ST6GAL1: variants seen among roughly 807,000 people sequenced by gnomAD.
The protein encoded by ST6GAL1 is ST6 beta-galactoside alpha-2,6-sialyltransferase 1, also known as beta-galactoside alpha-2,6-sialyltransferase 1.
ST6GAL1 carries 20 observed loss-of-function variants against 38.0 expected under a neutral mutation model. The ratio of observed to expected loss-of-function variants is 0.53; its 90% CI spans 0.37 to 0.77. The LOEUF (loss-of-function observed/expected upper bound fraction) is 0.77. ST6GAL1 is among the 30% of genes least tolerant of loss of function. ST6GAL1 has a pLI of 0.00. For missense variants in ST6GAL1, 432 were observed against 496.4 expected, an observed-to-expected ratio of 0.87 and a Z score of 1.23; for synonymous variants, 196 against 188.2, an observed-to-expected ratio of 1.04 and a Z score of -0.34.
intron 1 of ST6GAL1, among the ~76,000 whole-genome samples, chr3:186,934,367 G>A (rs562112333): frequency 6.6e-6 from 1 of 152,190 alleles, no homozygotes; most frequent in South Asian, 2.1e-4. Flanking sequence ...AACATAGTGA[G>A]ACTACCTCCC....
rs372532525 is a variant in ST6GAL1 at position 187,042,774 on chromosome 3, G to C, written c.71G>C (p.Cys24Ser). 5.0e-6 allele frequency: 8 copies of C among 1,614,054 alleles called. No homozygotes were observed. Among genetic ancestry groups the C allele is most frequent in the Non-Finnish European group, 5.9e-6 (7 of 1,180,028 alleles). ...GTCTTTCTTCTGTTTGCAGTCATCT[G>C]TGTGTGGAAGGAAAAGAAGAAAGGG... ...VLVFLLFAVI[C>S]VWKEKKKGSY... The change falls in exon 4 of 8, where the codon TGT becomes TCT. Residue 24 changes from cysteine (C) to serine (S), a missense_variant. Coordinates refer to ENST00000169298, the MANE Select transcript of ST6GAL1 (RefSeq NM_173216.2).
At chr3:186,986,755 A>C (rs1715936987) in intron 2 of ST6GAL1, 2 of 152,200 alleles carry the variant, frequency 1.3e-5, no homozygotes. Flanking sequence ...AGAGTTGGCC[A>C]AATGAGGCGG....
At position 186,967,123 on chromosome 3, in the gene ST6GAL1, T is replaced by C. The variant is rs1579278859; in HGVS notation, c.-183+3197T>C. Among the ~76,000 whole-genome samples, 3 of 152,330 alleles carry C rather than the reference T, an allele frequency of 2.0e-5. No individual in the cohort carries two copies. The Middle Eastern group carries it at 0.01, about 518-fold the overall frequency. On this transcript the variant is annotated intron_variant, in intron 2 of 7. Transcript: ENST00000169298. ...TGTCCAGCCTTTCCTTCAAGAACTCTAAAGGAGAAATTATGTCTCAAGTAG... is the reference window on the plus strand; with the variant it reads ...TGTCCAGCCTTTCCTTCAAGAACTCCAAAGGAGAAATTATGTCTCAAGTAG...
chr3:186,977,019 C>G (rs946172147), intron 2 of ST6GAL1, among the ~76,000 whole-genome samples: 1 of 152,108 alleles, frequency 6.6e-6, no homozygotes, highest in Non-Finnish European at 1.5e-5. Flanking sequence ...TCGGCTTGTT[C>G]TTTATAAAGT....
intron 2 of ST6GAL1, among the ~76,000 whole-genome samples, chr3:187,022,443 G>A (rs1211302769): frequency 6.6e-6 from 1 of 152,162 alleles, no homozygotes; most frequent in Admixed American, 6.5e-5. Context: ...GTAGCTGAGA[G>A]AGTCAAGTTA....
chr3:186,946,977 C>T lies in ST6GAL1; in HGVS notation c.-325+16143C>T, dbSNP rs115557231. 8.6e-3 allele frequency among the ~76,000 whole-genome samples: 1,308 copies of T among 152,130 alleles called. 23 individuals are homozygous for T. The highest frequency in any genetic ancestry group is 0.036 in the East Asian group (186 of 5,176). ...ATGGAAAAGGTTTCACCCAGGAGACCGATGGAGTTTTGATAGGTGGAGAAT... is the reference window on the plus strand; with the variant it reads ...ATGGAAAAGGTTTCACCCAGGAGACTGATGGAGTTTTGATAGGTGGAGAAT... On this transcript the variant is annotated intron_variant, in intron 1 of 7. Coordinates refer to ENST00000169298, the MANE Select transcript of ST6GAL1 (RefSeq NM_173216.2).
At position 186,955,276 on chromosome 3, in the gene ST6GAL1, C is replaced by G. The variant is rs541346243; in HGVS notation, c.-324-8509C>G. ...AACTCAGGTGGCTGGATGCCTCCAG[C>G]TTTGTTCTTTTTGCTTAGGATTGTC... On this transcript the variant is annotated intron_variant, in intron 1 of 7. Coordinates refer to ENST00000169298, the MANE Select transcript of ST6GAL1 (RefSeq NM_173216.2). Among the ~76,000 whole-genome samples, 11 of 152,226 alleles carry G rather than the reference C, an allele frequency of 7.2e-5. No homozygotes were observed. The East Asian group carries it at 7.7e-4, about 11-fold the overall frequency.
rs76543093 is a variant in ST6GAL1 at position 186,980,925 on chromosome 3, G to A, written c.-183+16999G>A. On this transcript the variant is annotated intron_variant, in intron 2 of 7. Transcript: ENST00000169298. ...AAGCAATCAGTGCCATCACGTGTTG[G>A]GTGTGATGGCTGAGCTGTTCTTCAG... Among the ~76,000 whole-genome samples the A allele has an allele frequency of 2.5e-4, 38 of 152,230 alleles. 1 individual carries two copies. In the East Asian group the frequency reaches 7.1e-3, roughly 29 times the overall value.
intron 2 of ST6GAL1, among the ~76,000 whole-genome samples, chr3:186,972,497 GC>G (rs1204533249): frequency 1.3e-5 from 2 of 151,830 alleles, no homozygotes; most frequent in Admixed American, 1.3e-4. Context: ...TGATCTGCCC[GC>G]CCCGGCCTCC....
chr3:186,969,888 C>G (rs1208559903), intron 2 of ST6GAL1, among the ~76,000 whole-genome samples: 1 of 152,178 alleles, frequency 6.6e-6, no homozygotes, highest in African/African-American at 2.4e-5. Context: ...AATAATTTGA[C>G]CTGGTTGGAA....
intron 5 of ST6GAL1, among the ~76,000 whole-genome samples, chr3:187,064,027 T>A (rs1297393177): frequency 6.6e-6 from 1 of 152,154 alleles, no homozygotes; most frequent in East Asian, 1.9e-4. Context: ...AATGTCTGCC[T>A]CTGCCTGTTT....
Position 186,989,231 on chromosome 3 carries a change from G to C in ST6GAL1, c.-183+25305G>C, listed in dbSNP as rs550476953. Among the ~76,000 whole-genome samples the C allele has an allele frequency of 2.0e-5, 3 of 152,256 alleles. No individual in the cohort carries two copies. The South Asian group carries it at 6.2e-4, about 32-fold the overall frequency. On this transcript the variant is annotated intron_variant, in intron 2 of 7. Transcript: ENST00000169298. ...ATGATTCAAAGACTGAGACTATTTA[G>C]CTTGAAAAAGAGAAGGTTTAGAAGA... is the stretch of plus-strand genomic sequence containing the variant.
chr3:187,032,137 A>G (rs896907020), intron 2 of ST6GAL1, among the ~76,000 whole-genome samples: 6 of 152,192 alleles, frequency 3.9e-5, no homozygotes, highest in African/African-American at 1.4e-4. Context: ...ATAAATCTAG[A>G]TAGTTGCACC....
In ST6GAL1 at chr3:187,069,806, C is replaced by G. The variant is rs115466898; in HGVS notation, c.706-3043C>G. Among the ~76,000 whole-genome samples, 456 of 152,306 alleles carry G rather than the reference C, an allele frequency of 3.0e-3. 1 individual carries two copies. Among genetic ancestry groups the G allele is most frequent in the African/African-American group, 9.8e-3 (406 of 41,570 alleles). ...TACTGAACTACTTGCAATTCCCAAACAGGGTACACACTGTACTAGTTGTTC... is the reference window on the plus strand; with the variant it reads ...TACTGAACTACTTGCAATTCCCAAAGAGGGTACACACTGTACTAGTTGTTC... On this transcript the variant is annotated intron_variant, in intron 5 of 7. Coordinates refer to ENST00000169298, the MANE Select transcript of ST6GAL1 (RefSeq NM_173216.2).
At chr3:186,931,592 C>A (rs1318692240) in intron 1 of ST6GAL1, among the ~76,000 whole-genome samples, 1 of 152,102 alleles carries the variant, frequency 6.6e-6, no homozygotes, top group Non-Finnish European at 1.5e-5. Context: ...TAAGGGTGCC[C>A]CTCAAAAAAA....
Position 186,934,737 on chromosome 3 carries a change from T to C in ST6GAL1, c.-325+3903T>C, listed in dbSNP as rs1025910327. Reference sequence around the variant, plus strand: ...TGGCAGGCTTGAGTGCTTACCAGCTTTTAAAAAATTTTATTTATTTATGTA... The same window carrying C: ...TGGCAGGCTTGAGTGCTTACCAGCTCTTAAAAAATTTTATTTATTTATGTA... On this transcript the variant is annotated intron_variant, in intron 1 of 7. Transcript: ENST00000169298. Among the ~76,000 whole-genome samples the C allele has an allele frequency of 2.8e-5, 3 of 107,564 alleles. No individual in the cohort carries two copies. In the East Asian group the frequency reaches 7.2e-4, roughly 26 times the overall value. 70.6% of individuals were successfully genotyped at this position (107,564 alleles called of 152,430 possible).
At chr3:186,984,743 C>CCTCCCTCCCTTCCTTCCTTCCTTCT (rs1715817493) in intron 2 of ST6GAL1, among the ~76,000 whole-genome samples, 4 of 28,454 alleles carry the variant, frequency 1.4e-4, no homozygotes, top group Admixed American at 4.2e-4. Context: ...TCCTTCCTTC[C>CCTCCCTCCCTTCCTTCCTTCCTTCT]CTCCCTCCCT....
At chr3:187,022,045 C>G (rs1242159333) in intron 2 of ST6GAL1, 1 of 152,204 alleles carries the variant, frequency 6.6e-6, no homozygotes, top group Admixed American at 6.5e-5. Context: ...GCCGCTCCAG[C>G]AAATTAATTG....
chr3:187,032,686 G>A (rs1463292425), intron 2 of ST6GAL1, among the ~76,000 whole-genome samples: 2 of 152,202 alleles, frequency 1.3e-5, no homozygotes, highest in African/African-American at 4.8e-5. Flanking sequence ...AATTCATGCT[G>A]TGAAAATGTC....
Sources: gnomAD v4.1 joint callset for allele counts (sites outside exome capture counted in the v4.1 genomes callset) on GRCh38, gnomAD v4.1.1 for gene constraint, MANE v1.5 for transcripts, NCBI Gene and HGNC (gene_info 2026-07-23, HGNC 2026-07-21) for gene names.